Variants in CDC42BPG observed in about 807,000 individuals in gnomAD.
The protein encoded by CDC42BPG is CDC42 binding protein kinase gamma.
A neutral mutation model predicts 192.2 loss-of-function variants in CDC42BPG; 157 were observed. That is an observed-to-expected ratio of 0.82 (90% CI 0.72 to 0.93). CDC42BPG has a LOEUF of 0.93. Among genes scored for constraint, CDC42BPG ranks in the 40% least tolerant of loss-of-function variants. The pLI, the probability that CDC42BPG is intolerant of heterozygous loss-of-function variation, is 0.00. For synonymous variants in CDC42BPG, 981 were observed against 918.5 expected (o/e 1.07, Z -1.23); for missense variants, 1,992 against 2,122.1 (o/e 0.94, Z 1.20).
At chr11:64,839,332 G>C in intron 6 of CDC42BPG, 99 bp from the exon 7 acceptor site, 1 of 1,526,818 alleles carries the variant, frequency 6.5e-7, no homozygotes, top group Non-Finnish European at 9.0e-7. Flanking sequence ...TGCCAGGCTG[G>C]CCTGCTGCTG....
chr11:64,840,216 C>A lies in CDC42BPG; in HGVS notation c.485G>T (p.Arg162Leu). The A allele has an allele frequency of 1.2e-6, 2 of 1,613,136 alleles. No individual in the cohort carries two copies. Among genetic ancestry groups the A allele is most frequent in the Non-Finnish European group, 1.7e-6 (2 of 1,179,996 alleles). ...CTCGGGCGGGAGACGGTCCTCGAAG[C>A]GGCTCAGCAGCGTCAGGAGGTCCCC... ...AGGDLLTLLS[R>L]FEDRLPPELA... is the part of the protein sequence containing the mutation. The change falls in exon 5 of 37, where the codon CGC (arginine) becomes CTC (leucine). Residue 162 changes from arginine to leucine, a missense_variant. By Grantham distance (102) the Arg-to-Leu change is moderately radical. Transcript: ENST00000342711.
chr11:64,825,649 G>A (rs1191153491), intron 36 of CDC42BPG, among the ~76,000 whole-genome samples: 10 of 152,184 alleles, frequency 6.6e-5, no homozygotes, highest in Admixed American at 5.9e-4. Context: ...TGCTGTAGAC[G>A]TGGCTGCAGG....
At position 64,840,135 on chromosome 11, in the gene CDC42BPG, A is replaced by T. The variant is rs749573573; in HGVS notation, c.566T>A (p.Leu189Gln). Residue 189 changes from leucine (L) to glutamine (Q), a missense_variant, in exon 5 of 37, where the codon CTG becomes CAG. Coordinates refer to ENST00000342711, the MANE Select transcript of CDC42BPG (RefSeq NM_017525.3). ...MVLAIHSLHQ[L>Q]GYVHRDVKPD... is the part of the protein sequence containing the mutation. ...GGGGCCCCACCTGTGGACATAACCC[A>T]GCTGGTGCAGCGAGTGGATGGCCAG... 6.2e-7 allele frequency: 1 copy of T among 1,612,624 alleles called. No individual in the cohort carries two copies. The highest frequency in any genetic ancestry group is 1.1e-5 in the South Asian group (1 of 91,038).
Position 64,827,777 on chromosome 11 carries a change from G to A in CDC42BPG, c.3974C>T (p.Ala1325Val), listed in dbSNP as rs201898811. 6.8e-6 allele frequency: 11 copies of A among 1,606,084 alleles called. No homozygotes were observed. Among genetic ancestry groups the A allele is most frequent in the Non-Finnish European group, 7.7e-6 (9 of 1,175,934 alleles). Residue 1325 changes from alanine (A) to valine (V), a missense_variant, in exon 31 of 37, where the codon GCG becomes GTG. By Grantham distance (64) the Ala-to-Val change is moderately conservative. Around this residue, in one of 2 missense-constraint regions of CDC42BPG, gnomAD observed 1,656 missense variants for 1,844.3 expected, o/e 0.90. Coordinates refer to ENST00000342711, the MANE Select transcript of CDC42BPG (RefSeq NM_017525.3). ...GCTGAACACTGTCAGGTAGGGGGCC[G>A]CATACCCTGCGGGCACGCCAGGCAC... ...WPAAPMGWGY[A>V]APYLTVFSEN...
intron 28 of CDC42BPG, among the ~76,000 whole-genome samples, chr11:64,830,682 G>C (rs1592691921): frequency 6.6e-6 from 1 of 152,210 alleles, no homozygotes; most frequent in East Asian, 1.9e-4. Context: ...CCTGAGAGCC[G>C]GGCCTGGCTC....
chr11:64,836,553 C>T (rs1360767224), intron 11 of CDC42BPG, 23 bp from the exon 12 acceptor site: 1 of 1,600,560 alleles, frequency 6.2e-7, no homozygotes, highest in Non-Finnish European at 8.6e-7. Flanking sequence ...GTCACTGAGA[C>T]CTCGAGTGCT....
chr11:64,830,348 CT>C (rs886333137), intron 28 of CDC42BPG, 92 bp from the exon 29 acceptor site: 3 of 1,097,804 alleles, frequency 2.7e-6, no homozygotes, highest in African/African-American at 3.1e-5. Flanking sequence ...GCCTGTTTAT[CT>C]TGAGGAAATG....
chr11:64,843,877 T>A (rs1368502010), intron 1 of CDC42BPG, among the ~76,000 whole-genome samples: 2 of 151,784 alleles, frequency 1.3e-5, no homozygotes, highest in African/African-American at 4.8e-5. Flanking sequence ...GGGGTGTGTG[T>A]GTTGGTGGGG....
chr11:64,828,884 C>T (rs375929290), intron 30 of CDC42BPG, among the ~76,000 whole-genome samples: 24 of 152,176 alleles, frequency 1.6e-4, no homozygotes, highest in East Asian at 1.4e-3. Context: ...ACCCCGTCTC[C>T]ACTAAAAATA....
In CDC42BPG at chr11:64,836,734, G is replaced by A; in HGVS notation, c.1384+5C>T. 7.6e-7 allele frequency: 1 copy of A among 1,321,328 alleles called. No homozygotes were observed. The allele number at this position is 1,321,328 out of a possible 1,614,324, so 81.9% of individuals were successfully genotyped here. On this transcript the variant is annotated splice_donor_5th_base_variant and intron_variant, in intron 11 of 36. Transcript: ENST00000342711. The stretch of plus-strand genomic sequence containing the variant: ...GGGGGGGGGGGGGGTGGGCGGAAGG[G>A]ATACCTGGCAGCCTGTCCCGCAGAG...
rs544929216 is a variant in CDC42BPG at position 64,840,923 on chromosome 11, C to T, written c.337-275G>A. On this transcript the variant is annotated intron_variant, in intron 3 of 36. Transcript: ENST00000342711. ...CAGCACTTTGGGAGGCCAAGGCAGG[C>T]AGATCACTTGAGATCAAGAGTTGGA... Among the ~76,000 whole-genome samples the T allele has an allele frequency of 4.0e-5, 6 of 149,300 alleles. No individual in the cohort carries two copies. The East Asian group carries it at 1.2e-3, about 30-fold the overall frequency.
rs200332352 is a variant in CDC42BPG at position 64,835,537 on chromosome 11, C to T, written c.1843G>A (p.Ala615Thr). Reference protein sequence around the residue: ...QEAQLRKEVAALREQLEQAHS... With the variant: ...QEAQLRKEVATLREQLEQAHS... ...GCCTGCTCCAGCTGCTCTCGCAGGG[C>T]GGCCACCTCCTTCCTCAGTTGGGCC... is the stretch of plus-strand genomic sequence containing the variant. The change falls in exon 15 of 37, where the codon GCC becomes ACC. Residue 615 changes from alanine (A) to threonine (T), a missense_variant. By Grantham distance (58) the Ala-to-Thr change is moderately conservative (BLOSUM62 0). Coordinates refer to ENST00000342711, the MANE Select transcript of CDC42BPG (RefSeq NM_017525.3). 2.0e-5 allele frequency: 32 copies of T among 1,592,940 alleles called. No individual in the cohort carries two copies. In the South Asian group the frequency reaches 2.1e-4, roughly 11 times the overall value.
rs1252101651 is a variant in CDC42BPG at position 64,836,284 on chromosome 11, C to T, written c.1501G>A (p.Gly501Ser). ...TCCTGAGCCTGCAGCCCTGCCCGAC[C>T]CTCGGCCAGCTCCTGAGGAGGCAGG... ...LDRLHRELAEGRAGLQAQEQE... is the reference protein window; with the variant it reads ...LDRLHRELAESRAGLQAQEQE... The change falls in exon 13 of 37, where the codon GGT becomes AGT. Residue 501 changes from glycine (G) to serine (S), a missense_variant. Physicochemically the swap from Gly to Ser is moderately conservative, Grantham distance 56. Transcript: ENST00000342711. 1 of 1,605,530 alleles carries T rather than the reference C, an allele frequency of 6.2e-7. No individual in the cohort carries two copies. The highest frequency in any genetic ancestry group is 8.5e-7 in the Non-Finnish European group (1 of 1,177,610).
Position 64,823,821 on chromosome 11 carries a change from T to C in CDC42BPG, c.*652A>G, listed in dbSNP as rs1942325315. On this transcript the variant is annotated 3_prime_UTR_variant, in exon 37 of 37. Transcript: ENST00000342711. ...TTCTCCAGACTCCCTCTCTCCTCCATCCCTCTTTTTGTCTCCCTCCTCTTC... is the reference window on the plus strand; with the variant it reads ...TTCTCCAGACTCCCTCTCTCCTCCACCCCTCTTTTTGTCTCCCTCCTCTTC... 6.5e-6 allele frequency: 1 copy of C among 154,576 alleles called. No individual in the cohort carries two copies. The highest frequency in any genetic ancestry group is 6.3e-5 in the Admixed American group (1 of 15,766). The allele number at this position is 154,576 out of a possible 1,614,324, so 9.6% of individuals were successfully genotyped here. A position where few individuals can be genotyped will look rare whatever the true frequency, so the allele number is the denominator to read the frequency against.
Position 64,832,806 on chromosome 11 carries a change from C to T in CDC42BPG, c.2865+20G>A. Reference sequence around the variant, plus strand: ...CTCAGCCCCCCATGCCCATCTTCCCCTCCCTCGGCCCCCACTCACCGACAG... The same window carrying T: ...CTCAGCCCCCCATGCCCATCTTCCCTTCCCTCGGCCCCCACTCACCGACAG... On this transcript the variant is annotated intron_variant, in intron 25 of 36. Transcript: ENST00000342711. 6.3e-7 allele frequency: 1 copy of T among 1,588,252 alleles called. No individual in the cohort carries two copies. Among genetic ancestry groups the T allele is most frequent in the Non-Finnish European group, 8.6e-7 (1 of 1,167,632 alleles).
At chr11:64,827,896 GAA>G in intron 30 of CDC42BPG, 113 bp from the exon 31 acceptor site, 1 of 875,340 alleles carries the variant, frequency 1.1e-6, no homozygotes, top group South Asian at 1.8e-5. Flanking sequence ...TCCTTCCTCT[GAA>G]GACTCCCTGT....
Position 64,840,485 on chromosome 11 carries a change from C to T in CDC42BPG, c.432+68G>A, listed in dbSNP as rs548602486. 3.3e-6 allele frequency: 5 copies of T among 1,529,802 alleles called. No individual in the cohort carries two copies. In the South Asian group the frequency reaches 4.5e-5, roughly 14 times the overall value. The allele number at this position is 1,529,802 out of a possible 1,614,324, so 94.8% of individuals were successfully genotyped here. On this transcript the variant is annotated intron_variant, in intron 4 of 36. Transcript: ENST00000342711. ...AGGGGTCTCTCTTTGGGCCCAGTGC[C>T]CCTGGCCCCAAGGGCCCTCTCCTGT...
chr11:64,832,855 T>C lies in CDC42BPG; in HGVS notation c.2836A>G (p.Thr946Ala), dbSNP rs770953449. ...TALGVHPETG[T>A]GTAYEGFLSV... ...AGAAAGCCCTCATAGGCAGTGCCTGTGCCTGTTTCGGGGTGTACTCCCAGG... is the reference window on the plus strand; with the variant it reads ...AGAAAGCCCTCATAGGCAGTGCCTGCGCCTGTTTCGGGGTGTACTCCCAGG... Residue 946 changes from threonine (T) to alanine (A), a missense_variant, in exon 25 of 37, where the codon ACA (threonine) becomes GCA (alanine). By Grantham distance (58) the Thr-to-Ala change is moderately conservative (BLOSUM62 0). Transcript: ENST00000342711. 3 of 1,574,408 alleles carry C rather than the reference T, an allele frequency of 1.9e-6. No individual in the cohort carries two copies. The highest frequency in any genetic ancestry group is 2.6e-6 in the Non-Finnish European group (3 of 1,160,270).
At chr11:64,839,704 G>C (rs1943193209) in intron 5 of CDC42BPG, 133 bp from the exon 6 acceptor site, 3 of 677,894 alleles carry the variant, frequency 4.4e-6, no homozygotes, top group Non-Finnish European at 7.6e-6. Flanking sequence ...AGGTGCTCAT[G>C]TGATGAGCAA....
Sources: allele counts gnomAD v4.1 joint callset (sites outside exome capture counted in the v4.1 genomes callset), GRCh38; gene constraint gnomAD v4.1.1; regional missense constraint gnomAD v4.1.1; transcripts MANE v1.5; gene names NCBI Gene and HGNC (gene_info 2026-07-23, HGNC 2026-07-21).